The following KCNQ3 variants were observed in gnomAD, a reference collection of about 807,000 sequenced individuals.
KCNQ3 encodes potassium voltage-gated channel subfamily KQT member 3.
In KCNQ3, 30 loss-of-function variants were observed where a neutral mutation model predicts 92.5. That is an observed-to-expected ratio of 0.32 (90% CI 0.24 to 0.44). The LOEUF is 0.44. Ranked by LOEUF, KCNQ3 falls within the 20% of genes least tolerant of loss-of-function variation. The pLI, the probability that KCNQ3 is intolerant of heterozygous loss-of-function variation, is 1.00. For synonymous variants in KCNQ3, 450 were observed against 468.8 expected, an observed-to-expected ratio of 0.96 and a Z score of 0.52; for missense variants, 913 against 1,140.3, an observed-to-expected ratio of 0.80 and a Z score of 2.87.
At chr8:132,358,278 G>C (rs1216983335) in intron 1 of KCNQ3, among the ~76,000 whole-genome samples, 1 of 152,190 alleles carries the variant, frequency 6.6e-6, no homozygotes. Context: ...CATTTTCTGA[G>C]AAGTCCTAGC....
At chr8:132,389,269 C>A (rs1563891091) in intron 1 of KCNQ3, among the ~76,000 whole-genome samples, 1 of 152,098 alleles carries the variant, frequency 6.6e-6, no homozygotes, top group Admixed American at 6.5e-5. Flanking sequence ...CCAGCCTAGC[C>A]AACATGGTGA....
chr8:132,254,928 C>T (rs1815534136), intron 1 of KCNQ3, among the ~76,000 whole-genome samples: 1 of 152,038 alleles, frequency 6.6e-6, no homozygotes, highest in Non-Finnish European at 1.5e-5. Flanking sequence ...AAGTAAGGAC[C>T]TCCTAAAGTC....
intron 1 of KCNQ3, among the ~76,000 whole-genome samples, chr8:132,201,111 G>C (rs1827444171): frequency 6.6e-6 from 1 of 152,096 alleles, no homozygotes; most frequent in African/African-American, 2.4e-5. Flanking sequence ...ATAACAAACA[G>C]ACACCCCTAA....
At chr8:132,220,820 A>AC (rs1554633409) in intron 1 of KCNQ3, among the ~76,000 whole-genome samples, 17 of 145,698 alleles carry the variant, frequency 1.2e-4, no homozygotes, top group Admixed American at 8.0e-4. Flanking sequence ...ACTTTTTTTT[A>AC]TTTTTTTTAT....
intron 3 of KCNQ3, among the ~76,000 whole-genome samples, chr8:132,180,625 C>T (rs1455380331): frequency 2.0e-5 from 3 of 152,074 alleles, no homozygotes; most frequent in Non-Finnish European, 4.4e-5. Context: ...TTTACCAAGG[C>T]CCCCCGCAGT....
At chr8:132,422,412 C>A (rs1398977095) in intron 1 of KCNQ3, among the ~76,000 whole-genome samples, 1 of 152,178 alleles carries the variant, frequency 6.6e-6, no homozygotes, top group Non-Finnish European at 1.5e-5. Context: ...GAGGGACAGC[C>A]TCAAAGCATA....
chr8:132,208,243 T>G (rs1380299236), intron 1 of KCNQ3, among the ~76,000 whole-genome samples: 1 of 152,068 alleles, frequency 6.6e-6, no homozygotes, highest in African/African-American at 2.4e-5. Flanking sequence ...CACCAATTAC[T>G]TTAATCAGCC....
chr8:132,183,992 G>A (rs1826875755), intron 3 of KCNQ3, among the ~76,000 whole-genome samples: 1 of 152,088 alleles, frequency 6.6e-6, no homozygotes. Flanking sequence ...ATTGCCAAGA[G>A]TGACACCCTA....
intron 1 of KCNQ3, among the ~76,000 whole-genome samples, chr8:132,417,186 A>G (rs1820838060): frequency 6.6e-6 from 1 of 152,228 alleles, no homozygotes; most frequent in South Asian, 2.1e-4. Context: ...AGGTGAGGAA[A>G]GGTTTAGGGA....
chr8:132,383,128 T>A (rs1479765463), intron 1 of KCNQ3, among the ~76,000 whole-genome samples: 7 of 152,074 alleles, frequency 4.6e-5, no homozygotes, highest in Non-Finnish European at 1.5e-5. Flanking sequence ...ACCCAAACCA[T>A]CCCTTTGCCT....
chr8:132,368,547 G>A (rs1240562570), intron 1 of KCNQ3, among the ~76,000 whole-genome samples: 4 of 152,092 alleles, frequency 2.6e-5, no homozygotes, highest in African/African-American at 9.7e-5. Flanking sequence ...CAGCTACTCA[G>A]GAGGCTGAAG....
At chr8:132,353,148 C>T (rs1177802969) in intron 1 of KCNQ3, among the ~76,000 whole-genome samples, 1 of 152,100 alleles carries the variant, frequency 6.6e-6, no homozygotes, top group Admixed American at 6.5e-5. Context: ...ATCGCTGGAA[C>T]CTGGGAGGCA....
intron 1 of KCNQ3, among the ~76,000 whole-genome samples, chr8:132,237,769 T>G (rs1814863551): frequency 6.6e-6 from 1 of 152,142 alleles, no homozygotes; most frequent in Admixed American, 6.5e-5. Context: ...TTACAGAAAC[T>G]CAAAGTAAAA....
rs1338190045 is a variant in KCNQ3, at chr8:132,122,210, A to G, written c.*7052T>C. 6.6e-6 allele frequency: 1 copy of G among 152,184 alleles called. No homozygotes were observed. The highest frequency in any genetic ancestry group is 1.9e-4 in the East Asian group (1 of 5,192). The allele number at this position is 152,184 out of a possible 1,614,324, so 9.4% of individuals were successfully genotyped here. On this transcript the variant is annotated 3_prime_UTR_variant, in exon 15 of 15. Coordinates refer to ENST00000388996, the MANE Select transcript of KCNQ3 (RefSeq NM_004519.4). ...GGTCTTGTCTTCAGTTTCCTCATCT[A>G]TAAGATGGAGACAATAACATCTCCC...
chr8:132,202,983 A>G (rs1346542396), intron 1 of KCNQ3, among the ~76,000 whole-genome samples: 1 of 152,174 alleles, frequency 6.6e-6, no homozygotes, highest in Non-Finnish European at 1.5e-5. Flanking sequence ...ATTTTAAAAA[A>G]AATTGTTTCT....
At chr8:132,211,286 T>C (rs1029167906) in intron 1 of KCNQ3, among the ~76,000 whole-genome samples, 3 of 152,260 alleles carry the variant, frequency 2.0e-5, no homozygotes, top group Admixed American at 2.0e-4. Flanking sequence ...AACTGGACAT[T>C]GGTTAGATTA....
intron 1 of KCNQ3, among the ~76,000 whole-genome samples, chr8:132,275,435 G>T (rs1816291283): frequency 6.6e-6 from 1 of 152,084 alleles, no homozygotes; most frequent in African/African-American, 2.4e-5. Context: ...CATAGAAAGG[G>T]GTTCCAAGCA....
At position 132,480,310 on chromosome 8, in the gene KCNQ3, C is replaced by A; in HGVS notation, c.223G>T (p.Asp75Tyr). 1 of 1,601,646 alleles carries A rather than the reference C, an allele frequency of 6.2e-7. No individual in the cohort carries two copies. Among genetic ancestry groups the A allele is most frequent in the Non-Finnish European group, 8.5e-7 (1 of 1,174,888 alleles). The change falls in exon 1 of 15, where the codon GAC (aspartate) becomes TAC (tyrosine). Residue 75 changes from aspartate to tyrosine, a missense_variant. Around this residue, in one of 6 missense-constraint regions of KCNQ3, gnomAD observed 183 missense variants for 167.7 expected, o/e 1.09. Coordinates refer to ENST00000388996, the MANE Select transcript of KCNQ3 (RefSeq NM_004519.4). ...TGCGGGGTCCTCCGCTGCCCCTCGT[C>A]GCGGCCGCCGCCCTCCAGCAGCAGG... ...GTLLLEGGGR[D>Y]EGQRRTPQGI...
chr8:132,154,206 T>TTTTTTTTTTTTTTTG (rs1563776007), intron 9 of KCNQ3, among the ~76,000 whole-genome samples: 2 of 142,534 alleles, frequency 1.4e-5, no homozygotes, highest in Non-Finnish European at 3.1e-5. Flanking sequence ...TTTTTTTTTT[T>TTTTTTTTTTTTTTTG]TTTTTTTTTT....
Sources: gnomAD v4.1 joint callset for allele counts (sites outside exome capture counted in the v4.1 genomes callset) on GRCh38, gnomAD v4.1.1 for gene constraint, gnomAD v4.1.1 regional missense constraint, MANE v1.5 for transcripts, NCBI Gene and HGNC (gene_info 2026-07-23, HGNC 2026-07-21) for gene names.